ADAM22: variants seen among roughly 807,000 people sequenced by gnomAD.
ADAM22 encodes the protein ADAM metallopeptidase domain 22.
ADAM22 carries 65 observed loss-of-function variants against 144.6 expected under a neutral mutation model. The ratio of observed to expected loss-of-function variants is 0.45; its 90% CI spans 0.37 to 0.55. The LOEUF (loss-of-function observed/expected upper bound fraction) is 0.55. ADAM22 is among the 20% of genes least tolerant of loss of function. The probability of loss-of-function intolerance (pLI) is 0.00; values close to 1 mark genes in which losing one functional copy is unlikely to be tolerated. For synonymous variants in ADAM22, 391 were observed against 412.6 expected, an observed-to-expected ratio of 0.95 and a Z score of 0.63; for missense variants, 974 against 1,184.9, an observed-to-expected ratio of 0.82 and a Z score of 2.61.
chr7:88,076,097 G>A (rs550260543), intron 4 of ADAM22, among the ~76,000 whole-genome samples: 28 of 152,102 alleles, frequency 1.8e-4, no homozygotes, highest in Admixed American at 5.9e-4. Context: ...CACTGCAACA[G>A]CGCGATCTCG....
intron 7 of ADAM22, 67 bp from the exon 8 acceptor site, chr7:88,125,522 A>G: frequency 8.9e-7 from 1 of 1,119,994 alleles, no homozygotes; most frequent in Non-Finnish European, 1.3e-6. Flanking sequence ...GGGCAGGTAA[A>G]ACTTTGCCCT....
intron 2 of ADAM22, among the ~76,000 whole-genome samples, chr7:87,947,387 G>C (rs947528684): frequency 6.6e-6 from 1 of 152,012 alleles, no homozygotes; most frequent in Non-Finnish European, 1.5e-5. Flanking sequence ...AAGAAGATAG[G>C]GGAAATTCAA....
chr7:88,141,725 CT>C (rs1357048094), intron 14 of ADAM22, among the ~76,000 whole-genome samples: 1 of 152,028 alleles, frequency 6.6e-6, no homozygotes, highest in African/African-American at 2.4e-5. Flanking sequence ...TCATTAATAA[CT>C]ACATGGTATT....
intron 3 of ADAM22, among the ~76,000 whole-genome samples, chr7:87,980,334 G>A (rs927060730): frequency 5.3e-5 from 7 of 132,240 alleles, no homozygotes; most frequent in Non-Finnish European, 9.2e-5. Context: ...GTGGCAGGTG[G>A]CTGTTATCTT....
intron 9 of ADAM22, among the ~76,000 whole-genome samples, chr7:88,129,204 T>C (rs1225106358): frequency 6.6e-6 from 1 of 152,038 alleles, no homozygotes; most frequent in Non-Finnish European, 1.5e-5. Flanking sequence ...AATCAAATTA[T>C]TTTGACCCAT....
At chr7:87,964,691 C>T in intron 2 of ADAM22, 2 of 400,208 alleles carry the variant, frequency 5.0e-6, no homozygotes, top group Non-Finnish European at 9.7e-6. Flanking sequence ...ACAGGTAATG[C>T]AGTACCTATA....
chr7:88,018,041 G>A (rs1486181558), intron 3 of ADAM22, among the ~76,000 whole-genome samples: 1 of 152,006 alleles, frequency 6.6e-6, no homozygotes, highest in Non-Finnish European at 1.5e-5. Context: ...GTCCTCTCTT[G>A]TTTCAGGTCT....
In ADAM22 at chr7:88,151,044, A is replaced by AT; in HGVS notation, c.1617+18dup. The AT allele has an allele frequency of 6.2e-7, 1 of 1,611,590 alleles. No homozygotes were observed. Among genetic ancestry groups the AT allele is most frequent in the Non-Finnish European group, 8.5e-7 (1 of 1,178,040 alleles). On this transcript the variant is annotated intron_variant, in intron 19 of 31. Transcript: ENST00000413139. ...TGATGGTGTTCAGGTAGGTCACTTC[A>AT]TTTTTACCTATGTTTTTCACATGTA...
At chr7:87,935,238 G>A in intron 2 of ADAM22, 52 bp downstream of exon 2, 1 of 1,501,256 alleles carries the variant, frequency 6.7e-7, no homozygotes, top group Non-Finnish European at 8.9e-7. Flanking sequence ...GCCCACCCGA[G>A]ACCCCACGAT....
At position 88,196,556 on chromosome 7, in the gene ADAM22, C is replaced by G; in HGVS notation, c.*65C>G. ...TTCAACTTTTATAGAAACCCAGGCT[C>G]ATGGAATCACTGCAAATCTATCTGC... is the stretch of plus-strand genomic sequence containing the variant. On this transcript the variant is annotated 3_prime_UTR_variant, in exon 32 of 32. Transcript: ENST00000413139. 4 of 1,532,064 alleles carry G rather than the reference C, an allele frequency of 2.6e-6. No individual in the cohort carries two copies. In the South Asian group the frequency reaches 4.5e-5, roughly 17 times the overall value. The allele number at this position is 1,532,064 out of a possible 1,614,324, so 94.9% of individuals were successfully genotyped here. A position where few individuals can be genotyped will look rare whatever the true frequency, so the allele number is the denominator to read the frequency against.
intron 3 of ADAM22, among the ~76,000 whole-genome samples, chr7:88,009,695 T>C (rs1444555942): frequency 6.6e-6 from 1 of 152,206 alleles, no homozygotes; most frequent in East Asian, 1.9e-4. Flanking sequence ...TGCTTATTAT[T>C]TTAGACATCT....
intron 16 of ADAM22, 92 bp from the exon 17 acceptor site, chr7:88,145,323 G>T: frequency 6.7e-7 from 1 of 1,485,984 alleles, no homozygotes; most frequent in Non-Finnish European, 9.3e-7. Context: ...AAAAATTATT[G>T]TGAGTTTGTA....
chr7:88,146,055 C>T (rs191845866), intron 17 of ADAM22, among the ~76,000 whole-genome samples: 1 of 152,230 alleles, frequency 6.6e-6, no homozygotes, highest in Non-Finnish European at 1.5e-5. Flanking sequence ...TTCATCCTCC[C>T]AGCAGCATCC....
Position 88,130,525 on chromosome 7 carries a change from A to G in ADAM22, c.825+66A>G, listed in dbSNP as rs1831497191. Reference sequence around the variant, plus strand: ...TATTTCCTAATTGCTAATAGAATGGATAATATGATTCTTATAGTTTTACTG... The same window carrying G: ...TATTTCCTAATTGCTAATAGAATGGGTAATATGATTCTTATAGTTTTACTG... On this transcript the variant is annotated intron_variant, in intron 10 of 31. Coordinates refer to ENST00000413139, the MANE Select transcript of ADAM22 (RefSeq NM_001324418.2). 5 of 1,463,656 alleles carry G rather than the reference A, an allele frequency of 3.4e-6. No individual in the cohort carries two copies. In the South Asian group the frequency reaches 3.5e-5, roughly 10 times the overall value. The allele number at this position is 1,463,656 out of a possible 1,614,324, so 90.7% of individuals were successfully genotyped here. A position where few individuals can be genotyped will look rare whatever the true frequency, so the allele number is the denominator to read the frequency against.
intron 2 of ADAM22, among the ~76,000 whole-genome samples, chr7:87,953,102 T>G (rs1171545041): frequency 6.6e-6 from 1 of 152,168 alleles, no homozygotes; most frequent in South Asian, 2.1e-4. Flanking sequence ...CCTGGCTTCA[T>G]TAATTTTTTT....
chr7:87,965,116 A>G (rs1197584098), intron 2 of ADAM22, among the ~76,000 whole-genome samples: 1 of 152,192 alleles, frequency 6.6e-6, no homozygotes, highest in Non-Finnish European at 1.5e-5. Context: ...ACAAAAAAAA[A>G]TGAAATATTT....
intron 27 of ADAM22, among the ~76,000 whole-genome samples, chr7:88,180,847 G>A (rs1467586435): frequency 6.6e-6 from 1 of 152,028 alleles, no homozygotes; most frequent in African/African-American, 2.4e-5. Context: ...AAAGATGGTA[G>A]GACACAAATA....
intron 2 of ADAM22, among the ~76,000 whole-genome samples, chr7:87,952,646 G>T (rs1845556172): frequency 6.6e-6 from 1 of 152,112 alleles, no homozygotes; most frequent in South Asian, 2.1e-4. Flanking sequence ...TCAGGATGAT[G>T]CTGGCCTCAT....
chr7:88,163,202 A>G (rs769438000), intron 23 of ADAM22, 22 bp downstream of exon 23: 1 of 1,549,182 alleles, frequency 6.5e-7, no homozygotes, highest in Non-Finnish European at 8.7e-7. Context: ...GTACCTTGTC[A>G]GAATCTATTT....
Sources: gnomAD v4.1 joint callset for allele counts (sites outside exome capture counted in the v4.1 genomes callset) on GRCh38, gnomAD v4.1.1 for gene constraint, MANE v1.5 for transcripts, NCBI Gene and HGNC (gene_info 2026-07-23, HGNC 2026-07-21) for gene names.